Variants in POLR3B observed in about 807,000 individuals in gnomAD.
The protein encoded by POLR3B is DNA-directed RNA polymerase III subunit RPC2.
POLR3B carries 96 observed loss-of-function variants against 147.4 expected under a neutral mutation model. The observed-to-expected ratio is 0.65, with a 90% confidence interval of 0.55 to 0.77. The LOEUF is 0.77. POLR3B is among the 30% of genes least tolerant of loss of function. POLR3B has a pLI of 0.00. For missense variants in POLR3B, 1,036 were observed against 1,413.5 expected, an observed-to-expected ratio of 0.73 and a Z score of 4.28; for synonymous variants, 461 against 485.9, an observed-to-expected ratio of 0.95 and a Z score of 0.67.
intron 19 of POLR3B, among the ~76,000 whole-genome samples, chr12:106,448,257 GA>G (rs2037748474): frequency 2.0e-5 from 3 of 151,956 alleles, no homozygotes; most frequent in Non-Finnish European, 4.4e-5. Flanking sequence ...CATATATATG[GA>G]GGTAAAATTG....
chr12:106,489,391 G>A (rs1305762997), intron 23 of POLR3B, among the ~76,000 whole-genome samples: 1 of 152,154 alleles, frequency 6.6e-6, no homozygotes, highest in Non-Finnish European at 1.5e-5. Context: ...AAAATCGTTT[G>A]GAAGATTCAT....
intron 19 of POLR3B, chr12:106,446,173 A>G (rs2037720204): frequency 2.2e-6 from 1 of 454,146 alleles, no homozygotes; most frequent in South Asian, 1.6e-5. Context: ...TATCACTTCT[A>G]TTGGGTTTAC....
At chr12:106,441,896 C>T (rs983108498) in intron 18 of POLR3B, among the ~76,000 whole-genome samples, 1 of 152,112 alleles carries the variant, frequency 6.6e-6, no homozygotes, top group Non-Finnish European at 1.5e-5. Flanking sequence ...ACCTGACCAA[C>T]ATGGAGAAAC....
intron 25 of POLR3B, 103 bp downstream of exon 25, chr12:106,497,021 C>T (rs2038499474): frequency 8.7e-7 from 1 of 1,147,698 alleles, no homozygotes; most frequent in South Asian, 1.3e-5. Context: ...TTCAGGCAAG[C>T]TTGTACAGCC....
At chr12:106,388,335 T>C (rs1263195566) in intron 9 of POLR3B, among the ~76,000 whole-genome samples, 1 of 152,044 alleles carries the variant, frequency 6.6e-6, no homozygotes, top group African/African-American at 2.4e-5. Flanking sequence ...TTTTTTTTTT[T>C]TGAGATGGAG....
chr12:106,463,025 C>T (rs2037961430), intron 22 of POLR3B, among the ~76,000 whole-genome samples: 1 of 152,048 alleles, frequency 6.6e-6, no homozygotes, highest in African/African-American at 2.4e-5. Context: ...CCGAAGGCTA[C>T]CAGGATCTGA....
chr12:106,393,484 A>G (rs1380112499), intron 10 of POLR3B, among the ~76,000 whole-genome samples: 1 of 135,900 alleles, frequency 7.4e-6, no homozygotes, highest in East Asian at 2.3e-4. Flanking sequence ...ACTCTCGTGT[A>G]CAGGTTTTGT....
At chr12:106,454,388 A>T in intron 19 of POLR3B, 114 bp from the exon 20 acceptor site, 1 of 688,866 alleles carries the variant, frequency 1.5e-6, no homozygotes, top group Non-Finnish European at 2.6e-6. Context: ...GTTGAACCTG[A>T]AGATTTTGTT....
intron 12 of POLR3B, among the ~76,000 whole-genome samples, chr12:106,426,923 T>C (rs1325624634): frequency 7.4e-6 from 1 of 134,840 alleles, no homozygotes; most frequent in African/African-American, 2.8e-5. Flanking sequence ...GTCAATGAAA[T>C]CTGAAAGTCT....
chr12:106,475,200 T>C (rs1246791820), intron 23 of POLR3B, among the ~76,000 whole-genome samples: 1 of 116,414 alleles, frequency 8.6e-6, no homozygotes, highest in African/African-American at 4.6e-5. Flanking sequence ...TAATCCTGAG[T>C]TCTAGTTTGA....
At chr12:106,392,813 G>A (rs2036929011) in intron 9 of POLR3B, among the ~76,000 whole-genome samples, 1 of 152,212 alleles carries the variant, frequency 6.6e-6, no homozygotes, top group Non-Finnish European at 1.5e-5. Flanking sequence ...TGCAAAAAAT[G>A]TTTGAGAATG....
intron 10 of POLR3B, among the ~76,000 whole-genome samples, chr12:106,397,970 A>G (rs558698046): frequency 2.0e-5 from 3 of 152,376 alleles, no homozygotes; most frequent in African/African-American, 4.8e-5. Context: ...TACCGGGTTC[A>G]TCTCACTGGG....
chr12:106,487,515 G>C (rs940104195), intron 23 of POLR3B, among the ~76,000 whole-genome samples: 3 of 152,184 alleles, frequency 2.0e-5, no homozygotes, highest in Admixed American at 6.5e-5. Flanking sequence ...TGGGTGTTCA[G>C]AAAGTAACAT....
In POLR3B at chr12:106,410,962, T is replaced by A; in HGVS notation, c.1101+2T>A. On this transcript the variant is annotated splice_donor_variant, in intron 12 of 27. Coordinates refer to ENST00000228347, the MANE Select transcript of POLR3B (RefSeq NM_018082.6). LOFTEE classifies it high-confidence loss of function. ...AAGCGACTGGAATTGGCAGGACAGG[T>A]GATTTAATATTTTATGTCAGAAATC... 6.2e-7 allele frequency: 1 copy of A among 1,609,716 alleles called. No homozygotes were observed. Among genetic ancestry groups the A allele is most frequent in the Non-Finnish European group, 8.5e-7 (1 of 1,176,346 alleles).
chr12:106,369,714 C>T (rs1269588608), intron 6 of POLR3B, 31 bp downstream of exon 6: 6 of 1,328,182 alleles, frequency 4.5e-6, no homozygotes, highest in Non-Finnish European at 5.4e-6. Context: ...TAGAGCCACA[C>T]TGCCTGGATT....
In POLR3B at chr12:106,432,302, A is replaced by G. The variant is rs1385629083; in HGVS notation, c.1465-16A>G. The stretch of plus-strand genomic sequence containing the variant: ...CTAATGTTCATTCTTAGAAATGACC[A>G]TCTTTTGTTTTTTAGGCATGTGGTT... On this transcript the variant is annotated splice_polypyrimidine_tract_variant and intron_variant, in intron 14 of 27. Coordinates refer to ENST00000228347, the MANE Select transcript of POLR3B (RefSeq NM_018082.6). The G allele has an allele frequency of 6.8e-6, 11 of 1,611,636 alleles. No homozygotes were observed. Among genetic ancestry groups the G allele is most frequent in the Non-Finnish European group, 6.8e-6 (8 of 1,177,798 alleles).
Position 106,393,491 on chromosome 12 carries a change from T to TTGTGTGTGTGTGTGTG in POLR3B, c.846+362_846+377dup, listed in dbSNP as rs71072674. The stretch of plus-strand genomic sequence containing the variant: ...CTATGGCAACTCTCGTGTACAGGTT[T>TTGTGTGTGTGTGTGTG]TGTGTGTGTGTGTGTGTGTGTGTGT... On this transcript the variant is annotated intron_variant, in intron 10 of 27. Transcript: ENST00000228347. Among the ~76,000 whole-genome samples, 191 of 141,464 alleles carry TTGTGTGTGTGTGTGTG rather than the reference T, an allele frequency of 1.4e-3. 1 individual carries two copies. Among genetic ancestry groups the TTGTGTGTGTGTGTGTG allele is most frequent in the African/African-American group, 4.6e-3 (170 of 37,160 alleles). 92.8% of individuals were successfully genotyped at this position (141,464 alleles called of 152,430 possible). A position where few individuals can be genotyped will look rare whatever the true frequency, so the allele number is the denominator to read the frequency against.
chr12:106,480,060 C>A lies in POLR3B; in HGVS notation c.2714-15995C>A, dbSNP rs1357281722. On this transcript the variant is annotated intron_variant, in intron 23 of 27. Coordinates refer to ENST00000228347, the MANE Select transcript of POLR3B (RefSeq NM_018082.6). ...TAGAGACTAGGTATTGCCATATTAC[C>A]CAGGCTGGTCTCGAACTTCTAGGAT... Among the ~76,000 whole-genome samples, 2 of 151,068 alleles carry A rather than the reference C, an allele frequency of 1.3e-5. 1 individual carries two copies. The highest frequency in any genetic ancestry group is 4.2e-4 in the South Asian group (2 of 4,790).
intron 9 of POLR3B, among the ~76,000 whole-genome samples, chr12:106,386,218 C>T (rs562910439): frequency 1.1e-4 from 16 of 152,108 alleles, no homozygotes; most frequent in African/African-American, 2.9e-4. Context: ...TGGTGGCTCA[C>T]GCCTGCCCCA....
Sources: allele counts gnomAD v4.1 joint callset (sites outside exome capture counted in the v4.1 genomes callset), GRCh38; gene constraint gnomAD v4.1.1; transcripts MANE v1.5; gene names NCBI Gene and HGNC (gene_info 2026-07-23, HGNC 2026-07-21).